The following CACNG2 variants were observed in gnomAD, a reference collection of about 807,000 sequenced individuals.
The protein encoded by CACNG2 is voltage-dependent calcium channel gamma-2 subunit.
A neutral mutation model predicts 25.9 loss-of-function variants in CACNG2; 3 were observed. The observed-to-expected ratio is 0.12, with a 90% CI of 0.05 to 0.30. The LOEUF is 0.30. Among genes scored for constraint, CACNG2 ranks in the 10% least tolerant of loss-of-function variants. The pLI, the probability that CACNG2 is intolerant of heterozygous loss-of-function variation, is 1.00. For missense variants in CACNG2, 341 were observed against 432.5 expected, an observed-to-expected ratio of 0.79 and a Z score of 1.88; for synonymous variants, 167 against 173.3, an observed-to-expected ratio of 0.96 and a Z score of 0.29.
rs1363640996 is a variant in CACNG2, at chr22:36,563,627, C to T, written c.*724G>A. Among the ~76,000 whole-genome samples the T allele has an allele frequency of 6.6e-6, 1 of 152,060 alleles. No homozygotes were observed. Among genetic ancestry groups the T allele is most frequent in the Non-Finnish European group, 1.5e-5 (1 of 67,958 alleles). Reference sequence around the variant, plus strand: ...GAGAGGAGGGACAAGGGCTCGGTCACCTGGAGGCCTACGATTGCCCCATCA... The same window carrying T: ...GAGAGGAGGGACAAGGGCTCGGTCATCTGGAGGCCTACGATTGCCCCATCA... On this transcript the variant is annotated 3_prime_UTR_variant, in exon 4 of 4. Coordinates refer to ENST00000300105, the MANE Select transcript of CACNG2 (RefSeq NM_006078.5).
In CACNG2 at chr22:36,567,326, G is replaced by C. The variant is rs1358304577; in HGVS notation, c.296-833C>G. ...CCATGAACCATGGGTCGTGAGACAA[G>C]GACTGTGGCTTTACAAAGAAAAAGT... On this transcript the variant is annotated intron_variant, in intron 2 of 3. Coordinates refer to ENST00000300105, the MANE Select transcript of CACNG2 (RefSeq NM_006078.5). Among the ~76,000 whole-genome samples, 5 of 152,116 alleles carry C rather than the reference G, an allele frequency of 3.3e-5. No individual in the cohort carries two copies. In the East Asian group the frequency reaches 5.8e-4, roughly 18 times the overall value.
At chr22:36,619,870 T>C (rs1182150436) in intron 1 of CACNG2, among the ~76,000 whole-genome samples, 1 of 152,242 alleles carries the variant, frequency 6.6e-6, no homozygotes, top group Non-Finnish European at 1.5e-5. Context: ...TGGACATACA[T>C]GCCACTCTCG....
intron 1 of CACNG2, among the ~76,000 whole-genome samples, chr22:36,639,003 CT>C (rs1946298081): frequency 6.6e-6 from 1 of 152,190 alleles, no homozygotes; most frequent in African/African-American, 2.4e-5. Context: ...GCAAAAGTGA[CT>C]GAGAAAATGT....
At chr22:36,566,216 C>T (rs979585649) in intron 3 of CACNG2, 137 bp downstream of exon 3, 1 of 888,066 alleles carries the variant, frequency 1.1e-6, no homozygotes, top group Non-Finnish European at 1.8e-6. Context: ...ACCTTCCTCC[C>T]CTGCAACACG....
chr22:36,578,090 G>A (rs188370963), intron 2 of CACNG2, among the ~76,000 whole-genome samples: 5 of 152,094 alleles, frequency 3.3e-5, no homozygotes, highest in Admixed American at 1.3e-4. Context: ...GGCTGGGTGC[G>A]GTAGCTCACA....
chr22:36,617,577 G>A (rs73415616), intron 1 of CACNG2, among the ~76,000 whole-genome samples: 4 of 149,566 alleles, frequency 2.7e-5, no homozygotes, highest in Non-Finnish European at 4.4e-5. Context: ...TGCCCCATAG[G>A]CTTATTATAA....
intron 1 of CACNG2, among the ~76,000 whole-genome samples, chr22:36,695,217 T>TA (rs1937321279): frequency 2.0e-5 from 3 of 151,232 alleles, no homozygotes; most frequent in Admixed American, 2.0e-4. Context: ...CTCTGTCTCT[T>TA]AAAAAAAGAA....
At chr22:36,675,245 C>A (rs12159055) in intron 1 of CACNG2, among the ~76,000 whole-genome samples, 16,918 of 151,914 alleles carry the variant, frequency 0.11, 2,006 homozygotes, top group African/African-American at 0.3. Context: ...CAGTCTCACT[C>A]TGTTGCCCAG....
chr22:36,571,789 A>C (rs577485480), intron 2 of CACNG2, among the ~76,000 whole-genome samples: 1 of 151,538 alleles, frequency 6.6e-6, no homozygotes, highest in Admixed American at 6.6e-5. Context: ...AGGCAGGAGA[A>C]TCGCTTGAAC....
intron 1 of CACNG2, among the ~76,000 whole-genome samples, chr22:36,639,909 T>C (rs981096590): frequency 6.6e-6 from 1 of 152,096 alleles, no homozygotes; most frequent in Non-Finnish European, 1.5e-5. Context: ...ATCAACACTT[T>C]TTGAGGAGGG....
intron 1 of CACNG2, among the ~76,000 whole-genome samples, chr22:36,651,315 G>A (rs965672089): frequency 3.2e-5 from 4 of 125,518 alleles, no homozygotes; most frequent in Non-Finnish European, 6.3e-5. Flanking sequence ...TGCAACCTCC[G>A]CCTCCCAGGT....
intron 1 of CACNG2, among the ~76,000 whole-genome samples, chr22:36,654,919 CAG>C (rs781759877): frequency 6.6e-6 from 1 of 151,614 alleles, no homozygotes; most frequent in Non-Finnish European, 1.5e-5. Flanking sequence ...CTTTGTTTTG[CAG>C]AGTCAGGAAA....
chr22:36,564,081 T>G lies in CACNG2; in HGVS notation c.*270A>C. On this transcript the variant is annotated 3_prime_UTR_variant, in exon 4 of 4. Coordinates refer to ENST00000300105, the MANE Select transcript of CACNG2 (RefSeq NM_006078.5). This position sits in a 1 kb window ranked among gnomAD's most constrained non-coding sequence, Gnocchi z 6.7. ...CCCTCTCGCTTTTTTTTAAAGTTTG[T>G]TTTCTTCCCTCGTTTATATTTTCCC... The G allele has an allele frequency of 9.3e-6, 3 of 321,326 alleles. No homozygotes were observed. Among genetic ancestry groups the G allele is most frequent in the Non-Finnish European group, 1.1e-5 (2 of 177,460 alleles). 19.9% of individuals were successfully genotyped at this position (321,326 alleles called of 1,614,324 possible). A position where few individuals can be genotyped will look rare whatever the true frequency, so the allele number is the denominator to read the frequency against.
intron 1 of CACNG2, among the ~76,000 whole-genome samples, chr22:36,619,469 C>T (rs770917959): frequency 5.9e-5 from 9 of 152,150 alleles, no homozygotes; most frequent in East Asian, 1.9e-4. Flanking sequence ...GATGTTTTGC[C>T]GAAGTGTCTA....
intron 1 of CACNG2, among the ~76,000 whole-genome samples, chr22:36,610,179 C>T (rs1013471939): frequency 6.6e-6 from 1 of 151,768 alleles, no homozygotes; most frequent in Non-Finnish European, 1.5e-5. Flanking sequence ...GGAATCAGTC[C>T]CCCAGAGAGT....
chr22:36,643,520 C>CTATCTATCTATCTATCTATG (rs1382715925), intron 1 of CACNG2, among the ~76,000 whole-genome samples: 1 of 151,356 alleles, frequency 6.6e-6, no homozygotes, highest in African/African-American at 2.4e-5. Flanking sequence ...ATCTATCTAT[C>CTATCTATCTATCTATCTATG]TATCCATCAT....
intron 1 of CACNG2, among the ~76,000 whole-genome samples, chr22:36,644,627 T>C (rs963754575): frequency 6.6e-6 from 1 of 152,220 alleles, no homozygotes; most frequent in Non-Finnish European, 1.5e-5. Context: ...GTAGCATGGC[T>C]GAATGACTTT....
intron 1 of CACNG2, among the ~76,000 whole-genome samples, chr22:36,591,207 T>A (rs6000340): frequency 7.9e-5 from 12 of 151,950 alleles, no homozygotes; most frequent in African/African-American, 2.2e-4. Flanking sequence ...CGGCTAATTT[T>A]TTTTTTTGTA....
chr22:36,660,743 G>T (rs183627478), intron 1 of CACNG2, among the ~76,000 whole-genome samples: 98 of 152,332 alleles, frequency 6.4e-4, no homozygotes, highest in Admixed American at 3.9e-3. Context: ...GGTGTGGGTT[G>T]TTAGATAAAC....
Sources: allele counts gnomAD v4.1 joint callset (sites outside exome capture counted in the v4.1 genomes callset), GRCh38; gene constraint gnomAD v4.1.1; non-coding constraint Gnocchi (gnomAD v3.1); transcripts MANE v1.5; gene names NCBI Gene and HGNC (gene_info 2026-07-23, HGNC 2026-07-21).